The following SLC38A12 variants were observed in gnomAD, a reference collection of about 807,000 sequenced individuals.
The protein encoded by SLC38A12 is solute carrier family 38 member 12, also known as putative sodium-coupled neutral amino acid transporter 12.
At chr17:74,836,323 T>C in the SLC38A12 span, 1 of 1,613,046 alleles carries the variant, frequency 6.2e-7, no homozygotes, top group Non-Finnish European at 8.5e-7. The surrounding 1 kb of genome is among the most constrained non-coding windows in gnomAD (Gnocchi z 4.2). Flanking sequence ...GCCGTGACCC[T>C]GCGCAACAAC....
At chr17:74,830,210 C>G in the SLC38A12 span, among the ~76,000 whole-genome samples, 1 of 152,238 alleles carries the variant, frequency 6.6e-6, no homozygotes, top group Admixed American at 6.5e-5. Flanking sequence ...GGCCCAGTCA[C>G]GGCTTCATCC....
chr17:74,837,312 C>A, the SLC38A12 span: 1 of 985,412 alleles, frequency 1.0e-6, no homozygotes, highest in South Asian at 4.7e-5. Flanking sequence ...CCAGATAGAG[C>A]TGCGAGGGCC....
chr17:74,785,133 C>A, the SLC38A12 span, among the ~76,000 whole-genome samples: 4 of 152,126 alleles, frequency 2.6e-5, no homozygotes. Context: ...CCAGGTACCC[C>A]GCCTATGATG....
At chr17:74,838,805 C>A in the SLC38A12 span, 43 of 1,504,592 alleles carry the variant, frequency 2.9e-5, no homozygotes, top group South Asian at 5.0e-4. Flanking sequence ...GCTGGCTCTC[C>A]ACGTGCATCC....
chr17:74,837,085 CT>C, the SLC38A12 span: 1 of 1,005,040 alleles, frequency 9.9e-7, no homozygotes, highest in Non-Finnish European at 1.2e-6. Context: ...TGCCCCTCCC[CT>C]CTCCTGCCCC....
At chr17:74,830,890 G>T in the SLC38A12 span, among the ~76,000 whole-genome samples, 1 of 152,244 alleles carries the variant, frequency 6.6e-6, no homozygotes, top group Non-Finnish European at 1.5e-5. Flanking sequence ...CCTGCGTGTG[G>T]AGCTGAGATC....
chr17:74,794,720 C>A, the SLC38A12 span, among the ~76,000 whole-genome samples: 1 of 152,110 alleles, frequency 6.6e-6, no homozygotes, highest in African/African-American at 2.4e-5. Context: ...CCAAGACTCA[C>A]ACTCACCGTG....
chr17:74,815,433 A>T, the SLC38A12 span, among the ~76,000 whole-genome samples: 1 of 152,330 alleles, frequency 6.6e-6, no homozygotes, highest in Non-Finnish European at 1.5e-5. Flanking sequence ...ATTGGCACCA[A>T]GTTTAAAATT....
chr17:74,801,587 T>TTTG, the SLC38A12 span, among the ~76,000 whole-genome samples: 5 of 152,160 alleles, frequency 3.3e-5, no homozygotes, highest in Non-Finnish European at 7.3e-5. Flanking sequence ...TGAGACTGGG[T>TTTG]GTCAAGGAAG....
At chr17:74,815,110 C>T in the SLC38A12 span, among the ~76,000 whole-genome samples, 1 of 152,156 alleles carries the variant, frequency 6.6e-6, no homozygotes, top group Non-Finnish European at 1.5e-5. Flanking sequence ...CGCTTTCTGG[C>T]TGTGTCACTG....
chr17:74,789,187 A>G, the SLC38A12 span, among the ~76,000 whole-genome samples: 1 of 152,156 alleles, frequency 6.6e-6, no homozygotes, highest in Non-Finnish European at 1.5e-5. Flanking sequence ...CTAATGGGGC[A>G]GCATAGCTGT....
chr17:74,783,116 C>T, the SLC38A12 span, among the ~76,000 whole-genome samples: 3 of 152,108 alleles, frequency 2.0e-5, no homozygotes, highest in Non-Finnish European at 1.5e-5. Flanking sequence ...GGCAACAGAG[C>T]GAGACTCCGT....
the SLC38A12 span, among the ~76,000 whole-genome samples, chr17:74,786,182 A>C: frequency 6.6e-6 from 1 of 151,716 alleles, no homozygotes; most frequent in Non-Finnish European, 1.5e-5. Context: ...TGCTTCAGGG[A>C]GGGTGGGTTC....
At chr17:74,837,228 G>T in the SLC38A12 span, 115 of 985,738 alleles carry the variant, frequency 1.2e-4, no homozygotes, top group East Asian at 9.5e-3. Flanking sequence ...CCTGGGAGGC[G>T]GTAGGTGCCA....
At chr17:74,836,212 C>T in the SLC38A12 span, 1 of 1,611,888 alleles carries the variant, frequency 6.2e-7, no homozygotes, top group East Asian at 2.2e-5. This position sits in a 1 kb window ranked among gnomAD's most constrained non-coding sequence, Gnocchi z 4.2. Context: ...GACATGTACA[C>T]CCTCAACTTC....
At chr17:74,838,021 G>A in the SLC38A12 span, 11 of 985,738 alleles carry the variant, frequency 1.1e-5, no homozygotes, top group African/African-American at 1.2e-4. Flanking sequence ...AGCGTCTTCA[G>A]ACCTCTGACA....
At chr17:74,831,875 G>A in the SLC38A12 span, among the ~76,000 whole-genome samples, 1 of 152,272 alleles carries the variant, frequency 6.6e-6, no homozygotes, top group Non-Finnish European at 1.5e-5. Context: ...CCGGGCGTCG[G>A]TGTGGCTCTT....
At chr17:74,838,017 T>A in the SLC38A12 span, 11 of 985,876 alleles carry the variant, frequency 1.1e-5, no homozygotes, top group Non-Finnish European at 1.3e-5. Context: ...TCTCAGCGTC[T>A]TCAGACCTCT....
At chr17:74,792,014 C>T in the SLC38A12 span, among the ~76,000 whole-genome samples, 21 of 151,884 alleles carry the variant, frequency 1.4e-4, no homozygotes, top group Non-Finnish European at 2.4e-4. Context: ...GGCATGGTGG[C>T]AGGCGCCTGT....
Sources: allele counts gnomAD v4.1 joint callset (sites outside exome capture counted in the v4.1 genomes callset), GRCh38; gene constraint gnomAD v4.1.1; non-coding constraint Gnocchi (gnomAD v3.1); transcripts MANE v1.5; gene names NCBI Gene and HGNC (gene_info 2026-07-23, HGNC 2026-07-21).